Variants in HS6ST3 observed in about 807,000 individuals in gnomAD.
The protein encoded by HS6ST3 is heparan-sulfate 6-O-sulfotransferase 3.
A neutral mutation model predicts 36.7 loss-of-function variants in HS6ST3; 12 were observed. That is an observed-to-expected ratio of 0.33 (90% CI 0.21 to 0.53). HS6ST3 has a LOEUF of 0.53. HS6ST3 is among the 20% of genes least tolerant of loss of function. The pLI is 0.95. For synonymous variants in HS6ST3, 240 were observed against 257.5 expected, an observed-to-expected ratio of 0.93 and a Z score of 0.65; for missense variants, 584 against 640.9, an observed-to-expected ratio of 0.91 and a Z score of 0.96.
chr13:96,105,266 A>C (rs544583592), intron 1 of HS6ST3, among the ~76,000 whole-genome samples: 8 of 152,124 alleles, frequency 5.3e-5, no homozygotes, highest in African/African-American at 1.4e-4. Context: ...CTGTGGAAAG[A>C]CATGGAAGTA....
At chr13:96,269,269 G>A (rs1382066707) in intron 1 of HS6ST3, among the ~76,000 whole-genome samples, 1 of 151,936 alleles carries the variant, frequency 6.6e-6, no homozygotes, top group African/African-American at 2.4e-5. Context: ...TACATAAAAT[G>A]TATATTTAAA....
At chr13:96,382,036 G>A (rs2055344031) in intron 1 of HS6ST3, among the ~76,000 whole-genome samples, 1 of 152,090 alleles carries the variant, frequency 6.6e-6, no homozygotes, top group African/African-American at 2.4e-5. Flanking sequence ...GGCTCCCAAA[G>A]GAGGATGTGA....
intron 1 of HS6ST3, among the ~76,000 whole-genome samples, chr13:96,133,843 G>GTTTTTTTTTTTTTTTTTTTTTT (rs71113979): frequency 7.0e-6 from 1 of 142,158 alleles, no homozygotes. Context: ...GAGCTTTTAT[G>GTTTTTTTTTTTTTTTTTTTTTT]TTTTTTTTTT....
intron 1 of HS6ST3, among the ~76,000 whole-genome samples, chr13:96,800,514 A>G (rs529670460): frequency 6.6e-6 from 1 of 152,232 alleles, no homozygotes; most frequent in African/African-American, 2.4e-5. Flanking sequence ...CTGTGCTTGT[A>G]TCCCAAGGTC....
intron 1 of HS6ST3, among the ~76,000 whole-genome samples, chr13:96,363,081 G>A (rs938447725): frequency 6.6e-6 from 1 of 152,052 alleles, no homozygotes; most frequent in Middle Eastern, 3.2e-3. Flanking sequence ...CTTGATTGGG[G>A]TGGCAGTTAC....
chr13:96,135,538 G>C (rs2053997496), intron 1 of HS6ST3, among the ~76,000 whole-genome samples: 1 of 152,150 alleles, frequency 6.6e-6, no homozygotes, highest in Admixed American at 6.5e-5. Context: ...TCATGGAAGA[G>C]GAGTTTGCTA....
chr13:96,427,762 G>A (rs1035567474), intron 1 of HS6ST3, among the ~76,000 whole-genome samples: 3 of 152,050 alleles, frequency 2.0e-5, no homozygotes, highest in East Asian at 1.9e-4. Flanking sequence ...TTCCAGGATC[G>A]AATCCAGGAT....
At chr13:96,795,753 C>T (rs1249318746) in intron 1 of HS6ST3, among the ~76,000 whole-genome samples, 1 of 152,106 alleles carries the variant, frequency 6.6e-6, no homozygotes, top group Non-Finnish European at 1.5e-5. Flanking sequence ...TGTTGGGAGA[C>T]CAGTTTCCAT....
intron 1 of HS6ST3, among the ~76,000 whole-genome samples, chr13:96,256,484 G>T (rs2054638193): frequency 6.6e-6 from 1 of 152,192 alleles, no homozygotes; most frequent in Non-Finnish European, 1.5e-5. Context: ...TGCTTACAGG[G>T]TTTAGTATAG....
At chr13:96,254,908 T>C (rs912320057) in intron 1 of HS6ST3, among the ~76,000 whole-genome samples, 3 of 152,206 alleles carry the variant, frequency 2.0e-5, no homozygotes, top group African/African-American at 7.2e-5. Context: ...ATTTTTGACC[T>C]TGTGGCTTTC....
chr13:96,635,291 G>C (rs2056545614), intron 1 of HS6ST3, among the ~76,000 whole-genome samples: 1 of 151,678 alleles, frequency 6.6e-6, no homozygotes, highest in Admixed American at 6.6e-5. Flanking sequence ...TATTTGCCTG[G>C]ACACTGCCTA....
At chr13:96,505,493 C>T (rs1415064695) in intron 1 of HS6ST3, among the ~76,000 whole-genome samples, 2 of 152,144 alleles carry the variant, frequency 1.3e-5, no homozygotes, top group Non-Finnish European at 2.9e-5. Flanking sequence ...TTACACATGA[C>T]TTTTAAACTC....
chr13:96,794,771 C>T (rs1877870370), intron 1 of HS6ST3, among the ~76,000 whole-genome samples: 1 of 151,888 alleles, frequency 6.6e-6, no homozygotes. Flanking sequence ...TTGTTTCAGC[C>T]CACAATTCTT....
intron 1 of HS6ST3, among the ~76,000 whole-genome samples, chr13:96,640,796 C>A (rs929961648): frequency 1.1e-4 from 17 of 151,944 alleles, no homozygotes; most frequent in African/African-American, 4.1e-4. Context: ...TATCCCAGCA[C>A]CATTTATTGA....
chr13:96,301,708 A>G (rs1370520035), intron 1 of HS6ST3, among the ~76,000 whole-genome samples: 1 of 152,076 alleles, frequency 6.6e-6, no homozygotes, highest in East Asian at 1.9e-4. Context: ...CCTGGCCAAC[A>G]TAGTGAAATC....
At chr13:96,537,335 CA>C (rs1472133432) in intron 1 of HS6ST3, among the ~76,000 whole-genome samples, 2 of 152,124 alleles carry the variant, frequency 1.3e-5, no homozygotes, top group Non-Finnish European at 1.5e-5. Flanking sequence ...CCTCCCACAA[CA>C]TGTGGGAATT....
intron 1 of HS6ST3, among the ~76,000 whole-genome samples, chr13:96,094,481 A>G (rs1279232782): frequency 3.3e-5 from 5 of 152,220 alleles, no homozygotes; most frequent in Non-Finnish European, 7.3e-5. Context: ...CTAGGTTGCA[A>G]ACTTAAACAA....
At chr13:96,711,669 A>G (rs770702641) in intron 1 of HS6ST3, among the ~76,000 whole-genome samples, 4 of 152,192 alleles carry the variant, frequency 2.6e-5, no homozygotes, top group Non-Finnish European at 4.4e-5. Context: ...ACCACCATCC[A>G]AAGCATCAAT....
At chr13:96,405,975 T>C (rs2055476439) in intron 1 of HS6ST3, among the ~76,000 whole-genome samples, 1 of 152,204 alleles carries the variant, frequency 6.6e-6, no homozygotes, top group Non-Finnish European at 1.5e-5. Context: ...ATTCTCACCT[T>C]TTTCCATTAA....
Sources: gnomAD v4.1 joint callset for allele counts (sites outside exome capture counted in the v4.1 genomes callset) on GRCh38, gnomAD v4.1.1 for gene constraint, MANE v1.5 for transcripts, NCBI Gene and HGNC (gene_info 2026-07-23, HGNC 2026-07-21) for gene names.